Variants in WWOX observed in about 807,000 individuals in gnomAD.
WWOX encodes the protein WW domain containing oxidoreductase.
In WWOX, 69 loss-of-function variants were observed where a neutral mutation model predicts 46.2. The observed-to-expected ratio is 1.49, with a 90% CI of 1.23 to 1.82. WWOX has a LOEUF of 1.82. Ranked by LOEUF, WWOX falls within the 40% of genes most tolerant of loss-of-function variation. The pLI is 0.00. For missense variants in WWOX, 919 were observed against 542.6 expected (o/e 1.69, Z -6.89); for synonymous variants, 359 against 202.6 (o/e 1.77, Z -6.56).
intron 8 of WWOX, among the ~76,000 whole-genome samples, chr16:79,008,520 G>A (rs1410593231): frequency 6.6e-6 from 1 of 152,166 alleles, no homozygotes; most frequent in Non-Finnish European, 1.5e-5. Flanking sequence ...ATAGGAAATG[G>A]AAGTCTTGGG....
At chr16:78,144,523 ATTT>A (rs138841166) in intron 4 of WWOX, among the ~76,000 whole-genome samples, 191 of 18,632 alleles carry the variant, frequency 0.01, 10 homozygotes, top group Middle Eastern at 0.033. Flanking sequence ...ATATATATAT[ATTT>A]TTTTTTTTTT....
chr16:78,803,498 G>C (rs1177132515), intron 8 of WWOX, among the ~76,000 whole-genome samples: 3 of 152,154 alleles, frequency 2.0e-5, no homozygotes, highest in Non-Finnish European at 4.4e-5. Flanking sequence ...CCATGCTGGA[G>C]TGCAGTGGTG....
intron 8 of WWOX, among the ~76,000 whole-genome samples, chr16:78,457,086 C>A (rs2083837417): frequency 6.6e-6 from 1 of 152,154 alleles, no homozygotes; most frequent in Non-Finnish European, 1.5e-5. Flanking sequence ...ATCTTCTGTG[C>A]CGTTAAGGGA....
At chr16:79,205,763 C>T (rs2051489474) in intron 8 of WWOX, 1 of 152,068 alleles carries the variant, frequency 6.6e-6, no homozygotes, top group Non-Finnish European at 1.5e-5. Flanking sequence ...AGTCAGTTGT[C>T]AGGAATTTGT....
Position 78,927,303 on chromosome 16 carries a change from C to G in WWOX, c.1057-284305C>G, listed in dbSNP as rs536930273. 1.4e-4 allele frequency among the ~76,000 whole-genome samples: 21 copies of G among 152,334 alleles called. No homozygotes were observed. In the South Asian group the frequency reaches 3.1e-3, roughly 23 times the overall value. On this transcript the variant is annotated intron_variant, in intron 8 of 8. Coordinates refer to ENST00000566780, the MANE Select transcript of WWOX (RefSeq NM_016373.4). ...ACACCGGCCTCCAGCAGAGCCTGCT[C>G]TTGGTCCACTGTTTATCCTGGTGAC...
intron 8 of WWOX, among the ~76,000 whole-genome samples, chr16:78,630,873 T>C (rs1417367633): frequency 8.5e-6 from 1 of 117,796 alleles, no homozygotes; most frequent in African/African-American, 2.5e-5. Flanking sequence ...CCATATGCAG[T>C]CAGCCCCCCT....
At chr16:78,713,273 CAAAAAAAAA>C (rs5818165) in intron 8 of WWOX, among the ~76,000 whole-genome samples, 23 of 17,046 alleles carry the variant, frequency 1.3e-3, no homozygotes, top group African/African-American at 2.0e-3. Context: ...GACTCTGTCT[CAAAAAAAAA>C]AAAAAAAAAA....
At chr16:78,336,578 C>T (rs1024548922) in intron 5 of WWOX, among the ~76,000 whole-genome samples, 8 of 148,126 alleles carry the variant, frequency 5.4e-5, no homozygotes, top group African/African-American at 7.5e-5. Flanking sequence ...TTGTGGAAGA[C>T]AATAGGGAGT....
intron 8 of WWOX, among the ~76,000 whole-genome samples, chr16:78,585,352 G>C (rs1488519685): frequency 6.6e-6 from 1 of 152,190 alleles, no homozygotes; most frequent in Non-Finnish European, 1.5e-5. Flanking sequence ...CCAGCCCCAG[G>C]AGGCTGGAAA....
At chr16:79,125,454 C>G (rs959750733) in intron 8 of WWOX, among the ~76,000 whole-genome samples, 3 of 152,208 alleles carry the variant, frequency 2.0e-5, no homozygotes, top group African/African-American at 7.2e-5. Context: ...GTAACAGCTT[C>G]TTAATTACGC....
intron 5 of WWOX, among the ~76,000 whole-genome samples, chr16:78,317,733 C>A (rs891473696): frequency 6.6e-6 from 1 of 152,110 alleles, no homozygotes. Flanking sequence ...TCCCCATGGG[C>A]CCCCTTCACG....
At chr16:79,155,916 C>G (rs1193001310) in intron 8 of WWOX, among the ~76,000 whole-genome samples, 3 of 151,248 alleles carry the variant, frequency 2.0e-5, no homozygotes, top group African/African-American at 2.4e-5. Flanking sequence ...AATCTAGGTA[C>G]AAGTCTCTCT....
In WWOX at chr16:78,961,159, C is replaced by G. The variant is rs946722545; in HGVS notation, c.1057-250449C>G. ...CAATGGTTATGTTCCAGATCATAGT[C>G]TCCTAAAAGCCAGGGGTCCTTTATG... On this transcript the variant is annotated intron_variant, in intron 8 of 8. Transcript: ENST00000566780. 2.0e-5 allele frequency among the ~76,000 whole-genome samples: 3 copies of G among 152,130 alleles called. No homozygotes were observed. In the East Asian group the frequency reaches 5.8e-4, roughly 29 times the overall value.
intron 5 of WWOX, among the ~76,000 whole-genome samples, chr16:78,276,620 A>C (rs1387536644): frequency 6.6e-6 from 1 of 152,194 alleles, no homozygotes; most frequent in Non-Finnish European, 1.5e-5. Flanking sequence ...CTGCAGCTGA[A>C]ATTGGGATCG....
At chr16:78,662,780 A>T (rs941458452) in intron 8 of WWOX, among the ~76,000 whole-genome samples, 3 of 152,028 alleles carry the variant, frequency 2.0e-5, no homozygotes, top group African/African-American at 7.2e-5. Flanking sequence ...TGTTGGCAAG[A>T]TGTAGTGTTT....
At chr16:78,726,633 TA>T (rs1040703020) in intron 8 of WWOX, among the ~76,000 whole-genome samples, 3 of 152,048 alleles carry the variant, frequency 2.0e-5, no homozygotes, top group African/African-American at 7.2e-5. Flanking sequence ...TTTGAGCAAT[TA>T]ATGGAGGAAG....
chr16:78,957,376 C>T (rs2046188507), intron 8 of WWOX, among the ~76,000 whole-genome samples: 1 of 152,128 alleles, frequency 6.6e-6, no homozygotes, highest in African/African-American at 2.4e-5. Context: ...TGTTCTTTTC[C>T]CCCTGTCTCT....
At chr16:78,356,071 T>TTAAAAAAAAAA (rs2081280147) in intron 5 of WWOX, among the ~76,000 whole-genome samples, 1 of 76,124 alleles carries the variant, frequency 1.3e-5, no homozygotes, top group Non-Finnish European at 2.5e-5. Flanking sequence ...TTTTTTTTCC[T>TTAAAAAAAAAA]AAAAAAAAAA....
intron 8 of WWOX, among the ~76,000 whole-genome samples, chr16:78,719,545 TAAG>T (rs2048644576): frequency 6.6e-6 from 1 of 152,162 alleles, no homozygotes; most frequent in African/African-American, 2.4e-5. Flanking sequence ...TGTCGTTAAT[TAAG>T]AAGGAGAAGG....
Sources: allele counts gnomAD v4.1 joint callset (sites outside exome capture counted in the v4.1 genomes callset), GRCh38; gene constraint gnomAD v4.1.1; transcripts MANE v1.5; gene names NCBI Gene and HGNC (gene_info 2026-07-23, HGNC 2026-07-21).